LRRC1: variants seen among roughly 807,000 people sequenced by gnomAD.
LRRC1 encodes leucine rich repeat containing 1, also known as leucine-rich repeat-containing protein 1.
Under a neutral mutation model 69.9 loss-of-function variants are expected in LRRC1, and 28 were observed. The observed-to-expected ratio is 0.40, with a 90% CI of 0.30 to 0.55. The LOEUF (loss-of-function observed/expected upper bound fraction) is 0.55. Ranked by LOEUF, LRRC1 falls within the 20% of genes least tolerant of loss-of-function variation. LRRC1 has a pLI of 0.47. For missense variants in LRRC1, 498 were observed against 609.0 expected (o/e 0.82, Z 1.92); for synonymous variants, 236 against 240.2 (o/e 0.98, Z 0.16).
chr6:53,807,939 A>G (rs923982070), intron 1 of LRRC1, among the ~76,000 whole-genome samples: 7 of 152,240 alleles, frequency 4.6e-5, no homozygotes, highest in Admixed American at 3.3e-4. Flanking sequence ...TGGTGAGTTT[A>G]TGGGCAGAAA....
intron 1 of LRRC1, among the ~76,000 whole-genome samples, chr6:53,803,029 G>A (rs754537336): frequency 2.0e-5 from 3 of 152,150 alleles, no homozygotes; most frequent in Non-Finnish European, 2.9e-5. Context: ...GGCTCCCAGC[G>A]GAAAAGGAGC....
chr6:53,853,381 T>C (rs1766205196), intron 2 of LRRC1, among the ~76,000 whole-genome samples: 1 of 150,536 alleles, frequency 6.6e-6, no homozygotes, highest in African/African-American at 2.5e-5. Context: ...GCCTCCCAGG[T>C]TCAAGTGATT....
At chr6:53,822,325 A>C (rs970251646) in intron 1 of LRRC1, among the ~76,000 whole-genome samples, 1 of 152,200 alleles carries the variant, frequency 6.6e-6, no homozygotes, top group South Asian at 2.1e-4. Context: ...AAAGGTCCAT[A>C]TGAAGCCAGA....
chr6:53,827,508 T>C (rs564804600), intron 1 of LRRC1, among the ~76,000 whole-genome samples: 4 of 152,276 alleles, frequency 2.6e-5, no homozygotes, highest in African/African-American at 4.8e-5. Flanking sequence ...CTTAATTTTT[T>C]CCAGGTAATT....
At chr6:53,882,430 A>G (rs1767323762) in intron 3 of LRRC1, among the ~76,000 whole-genome samples, 1 of 152,254 alleles carries the variant, frequency 6.6e-6, no homozygotes, top group African/African-American at 2.4e-5. Context: ...AAACTACAGG[A>G]AGAAAAATTA....
rs371613152 is a variant in LRRC1 at position 53,922,614 on chromosome 6, C to G, written c.1417-21C>G. ...AGTAGTGGAATAAAACCAAAACACT[C>G]ACTCCACTGTTTGTTTTTAGAGAAC... is the stretch of plus-strand genomic sequence containing the variant. On this transcript the variant is annotated intron_variant, in intron 13 of 13. Transcript: ENST00000370888. 2.3e-4 allele frequency: 360 copies of G among 1,591,578 alleles called. 1 individual carries two copies. The highest frequency in any genetic ancestry group is 2.9e-4 in the Non-Finnish European group (333 of 1,165,668).
At chr6:53,885,990 A>G (rs555705515) in intron 4 of LRRC1, among the ~76,000 whole-genome samples, 25 of 152,162 alleles carry the variant, frequency 1.6e-4, no homozygotes, top group Non-Finnish European at 3.2e-4. Context: ...CTTTCTTTTA[A>G]TACTCCTGGA....
At chr6:53,833,791 A>G (rs903911276) in intron 1 of LRRC1, among the ~76,000 whole-genome samples, 10 of 152,236 alleles carry the variant, frequency 6.6e-5, no homozygotes, top group African/African-American at 1.9e-4. Flanking sequence ...TCTTCAGATT[A>G]TAGAATAAAT....
At chr6:53,819,893 A>G (rs3003494) in intron 1 of LRRC1, among the ~76,000 whole-genome samples, 38,856 of 151,778 alleles carry the variant, frequency 0.26, 5,030 homozygotes, top group African/African-American at 0.26. Context: ...ATGTGAATAT[A>G]TATGTGTACC....
At chr6:53,889,221 A>T (rs1052011833) in intron 4 of LRRC1, among the ~76,000 whole-genome samples, 2 of 152,160 alleles carry the variant, frequency 1.3e-5, no homozygotes, top group Admixed American at 1.3e-4. Context: ...GTTGTTCAGG[A>T]TGTAGAGAAA....
chr6:53,805,046 C>G (rs1764598551), intron 1 of LRRC1, among the ~76,000 whole-genome samples: 1 of 151,808 alleles, frequency 6.6e-6, no homozygotes, highest in African/African-American at 2.4e-5. Context: ...CTTTTTATCT[C>G]TGTGCCCATT....
intron 2 of LRRC1, among the ~76,000 whole-genome samples, chr6:53,874,407 A>T (rs1766998727): frequency 6.6e-6 from 1 of 151,976 alleles, no homozygotes; most frequent in South Asian, 2.1e-4. Context: ...TCCTACTTTC[A>T]CAAATAAGCT....
chr6:53,831,788 G>T (rs1765434942), intron 1 of LRRC1, among the ~76,000 whole-genome samples: 1 of 152,160 alleles, frequency 6.6e-6, no homozygotes, highest in African/African-American at 2.4e-5. Context: ...GTCAATGCCT[G>T]AGTCTTCCAT....
intron 2 of LRRC1, among the ~76,000 whole-genome samples, chr6:53,854,858 T>C: frequency 6.6e-6 from 1 of 152,272 alleles, no homozygotes; most frequent in Non-Finnish European, 1.5e-5. Flanking sequence ...GCATTTGTCA[T>C]GCCATTGTTT....
At chr6:53,844,380 G>A (rs1038023559) in intron 2 of LRRC1, among the ~76,000 whole-genome samples, 21 of 152,232 alleles carry the variant, frequency 1.4e-4, no homozygotes, top group Admixed American at 1.1e-3. Context: ...CTATTTGGGC[G>A]GAAGGAAACC....
chr6:53,877,731 G>C (rs1767121389), intron 2 of LRRC1, among the ~76,000 whole-genome samples: 1 of 152,128 alleles, frequency 6.6e-6, no homozygotes, highest in South Asian at 2.1e-4. Flanking sequence ...ACCTCAGCCT[G>C]AACTTTATTA....
intron 10 of LRRC1, among the ~76,000 whole-genome samples, chr6:53,909,286 T>G (rs1408472165): frequency 1.3e-5 from 2 of 151,910 alleles, no homozygotes; most frequent in East Asian, 3.9e-4. Context: ...CTGAGAGAGG[T>G]TAAGTCACTT....
intron 12 of LRRC1, among the ~76,000 whole-genome samples, chr6:53,920,172 G>T (rs1768694071): frequency 6.6e-6 from 1 of 152,202 alleles, no homozygotes; most frequent in Non-Finnish European, 1.5e-5. Context: ...GGGGGAATGG[G>T]AGCCCAAGTG....
intron 1 of LRRC1, among the ~76,000 whole-genome samples, chr6:53,828,736 A>T (rs1016249067): frequency 6.6e-6 from 1 of 152,126 alleles, no homozygotes; most frequent in Admixed American, 6.5e-5. Context: ...CCCTTTAGAC[A>T]TTTGGTCCCT....
Sources: allele counts gnomAD v4.1 joint callset (sites outside exome capture counted in the v4.1 genomes callset), GRCh38; gene constraint gnomAD v4.1.1; transcripts MANE v1.5; gene names NCBI Gene and HGNC (gene_info 2026-07-23, HGNC 2026-07-21).